COG7: variants seen among roughly 807,000 people sequenced by gnomAD.
COG7 encodes the protein conserved oligomeric Golgi complex subunit 7.
Under a neutral mutation model 91.5 loss-of-function variants are expected in COG7, and 49 were observed. The ratio of observed to expected loss-of-function variants is 0.54; its 90% confidence interval spans 0.43 to 0.68. The LOEUF (loss-of-function observed/expected upper bound fraction) is 0.68. Among genes scored for constraint, COG7 ranks in the 30% least tolerant of loss-of-function variants. COG7 has a pLI of 0.00. For missense variants in COG7, 895 were observed against 961.3 expected (o/e 0.93, Z 0.91); for synonymous variants, 365 against 388.7 (o/e 0.94, Z 0.72).
chr16:23,439,954 T>C (rs1964073768), intron 4 of COG7, among the ~76,000 whole-genome samples: 1 of 152,124 alleles, frequency 6.6e-6, no homozygotes, highest in Admixed American at 6.6e-5. Flanking sequence ...CAATAATTGC[T>C]TCACACTCTC....
intron 12 of COG7, among the ~76,000 whole-genome samples, chr16:23,404,059 A>T (rs575255623): frequency 6.6e-6 from 1 of 152,264 alleles, no homozygotes; most frequent in East Asian, 1.9e-4. Context: ...GGAGCCCAGA[A>T]ATCTAGATTT....
At chr16:23,440,192 C>A (rs1476790177) in intron 4 of COG7, among the ~76,000 whole-genome samples, 1 of 151,542 alleles carries the variant, frequency 6.6e-6, no homozygotes, top group Non-Finnish European at 1.5e-5. Flanking sequence ...AGTTCAAGAC[C>A]AGCCTGGCCA....
intron 4 of COG7, among the ~76,000 whole-genome samples, chr16:23,434,990 G>A (rs1157963551): frequency 3.9e-5 from 6 of 152,102 alleles, no homozygotes; most frequent in African/African-American, 1.4e-4. Context: ...TTCCTACTTC[G>A]ATTATACCAG....
At chr16:23,449,674 G>C (rs1437947518) in intron 1 of COG7, among the ~76,000 whole-genome samples, 1 of 150,244 alleles carries the variant, frequency 6.7e-6, no homozygotes, top group Non-Finnish European at 1.5e-5. Context: ...CCGAGAGGCG[G>C]AGGTTGCAGT....
intron 1 of COG7, among the ~76,000 whole-genome samples, chr16:23,446,224 A>G (rs1173136431): frequency 6.6e-6 from 1 of 152,140 alleles, no homozygotes; most frequent in African/African-American, 2.4e-5. Flanking sequence ...AACCTGTCCC[A>G]ACACCAACTT....
chr16:23,426,608 T>C (rs557057572), intron 6 of COG7, among the ~76,000 whole-genome samples: 3 of 152,108 alleles, frequency 2.0e-5, no homozygotes, highest in East Asian at 3.9e-4. Flanking sequence ...GCAGAAAATA[T>C]ATTTGACAAA....
At chr16:23,402,414 T>A (rs1044065881) in intron 13 of COG7, among the ~76,000 whole-genome samples, 19 of 152,176 alleles carry the variant, frequency 1.2e-4, no homozygotes, top group Admixed American at 2.0e-4. Flanking sequence ...ATTTTTATTT[T>A]AAAAAAATCA....
chr16:23,415,789 G>A (rs250578), intron 9 of COG7: 43,484 of 151,574 alleles, frequency 0.29, 7,025 homozygotes, highest in African/African-American at 0.44. Context: ...CCTTTCCTGC[G>A]TACCCTGTTC....
chr16:23,423,928 G>A (rs1963801716), intron 7 of COG7, among the ~76,000 whole-genome samples: 1 of 152,314 alleles, frequency 6.6e-6, no homozygotes, highest in South Asian at 2.1e-4. Context: ...GGCCACCGGG[G>A]AAAGCCCATT....
In COG7 at chr16:23,418,735, T is replaced by C; in HGVS notation, c.1102A>G (p.Ser368Gly). ...GCACTCATCTGGATGAGGAGGTTGC[T>C]CTCTTCCATGTCGCCATACTTCAGC... ...YQLKYGDMEE[S>G]NLLIQMSAVP... The change falls in exon 8 of 17, where the codon AGC becomes GGC. Residue 368 changes from serine to glycine, a missense_variant. Ser to Gly is a moderately conservative substitution (Grantham distance 56). Transcript: ENST00000307149. 6.2e-7 allele frequency: 1 copy of C among 1,613,758 alleles called. No individual in the cohort carries two copies. The highest frequency in any genetic ancestry group is 8.5e-7 in the Non-Finnish European group (1 of 1,179,724).
chr16:23,414,757 A>T (rs1450750591), intron 9 of COG7: 1 of 152,148 alleles, frequency 6.6e-6, no homozygotes, highest in East Asian at 1.9e-4. Flanking sequence ...GGAGGGAGTC[A>T]TGTCCTCTGA....
chr16:23,427,326 A>G (rs1316450285), intron 6 of COG7, among the ~76,000 whole-genome samples: 1 of 151,406 alleles, frequency 6.6e-6, no homozygotes, highest in African/African-American at 2.4e-5. Flanking sequence ...GCAGTTTGGG[A>G]GGCCAAGATG....
At chr16:23,449,948 T>C (rs1360737521) in intron 1 of COG7, among the ~76,000 whole-genome samples, 3 of 152,000 alleles carry the variant, frequency 2.0e-5, no homozygotes, top group East Asian at 1.9e-4. Context: ...ATTATTATTA[T>C]TTTTGAGACA....
chr16:23,437,837 A>G (rs965745203), intron 4 of COG7, among the ~76,000 whole-genome samples: 1 of 152,256 alleles, frequency 6.6e-6, no homozygotes, highest in African/African-American at 2.4e-5. Context: ...CTGTAATCCC[A>G]GCACCTGGGG....
rs756923769 is a variant in COG7, at chr16:23,442,479, A to G, written c.602T>C (p.Val201Ala). 7.4e-6 allele frequency: 12 copies of G among 1,613,728 alleles called. No homozygotes were observed. In the South Asian group the frequency reaches 1.3e-4, roughly 18 times the overall value. Residue 201 changes from valine (V) to alanine (A), a missense_variant and splice_region_variant, in exon 4 of 17, where the codon GTA becomes GCA. Transcript: ENST00000307149. ...GATGAGAAGCAGCTAGCACTCACCTACAGCCTGAGAGGTGAATGCCGCTAC... is the reference window on the plus strand; with the variant it reads ...GATGAGAAGCAGCTAGCACTCACCTGCAGCCTGAGAGGTGAATGCCGCTAC... ...QIVAAFTSQA[V>A]DQSKVFVKVF...
chr16:23,392,085 G>A (rs769342585), intron 16 of COG7: 39 of 1,309,420 alleles, frequency 3.0e-5, no homozygotes, highest in Admixed American at 2.3e-4. Context: ...CAAATGGAGC[G>A]GGCCAGGTGG....
chr16:23,404,987 G>A (rs1963436331), intron 12 of COG7, among the ~76,000 whole-genome samples: 1 of 152,288 alleles, frequency 6.6e-6, no homozygotes, highest in Non-Finnish European at 1.5e-5. Context: ...CTATCACCAA[G>A]AGTGAAGTTA....
chr16:23,440,505 A>G (rs1013927099), intron 4 of COG7, among the ~76,000 whole-genome samples: 1 of 148,964 alleles, frequency 6.7e-6, no homozygotes, highest in African/African-American at 2.5e-5. Flanking sequence ...AAGAAAACAA[A>G]ACCTATTTTT....
chr16:23,414,023 A>G (rs1963611665), intron 9 of COG7: 1 of 164,586 alleles, frequency 6.1e-6, no homozygotes, highest in Non-Finnish European at 1.3e-5. Flanking sequence ...CTAAATTTAG[A>G]TTAAATACCC....
Sources: allele counts gnomAD v4.1 joint callset (sites outside exome capture counted in the v4.1 genomes callset), GRCh38; gene constraint gnomAD v4.1.1; transcripts MANE v1.5; gene names NCBI Gene and HGNC (gene_info 2026-07-23, HGNC 2026-07-21).